The following SNX29 variants were observed in gnomAD, a reference collection of about 807,000 sequenced individuals.
SNX29 encodes the protein sorting nexin-29.
A neutral mutation model predicts 102.1 loss-of-function variants in SNX29; 78 were observed. The ratio of observed to expected loss-of-function variants is 0.76; its 90% confidence interval spans 0.64 to 0.92. SNX29 has a LOEUF of 0.92. Among genes scored for constraint, SNX29 ranks in the 40% least tolerant of loss-of-function variants. The pLI is 0.00. For synonymous variants in SNX29, 580 were observed against 414.5 expected (o/e 1.40, Z -4.85); for missense variants, 1,280 against 1,061.7 (o/e 1.21, Z -2.86).
At chr16:12,220,514 G>T (rs149804083) in intron 14 of SNX29, among the ~76,000 whole-genome samples, 1 of 152,102 alleles carries the variant, frequency 6.6e-6, no homozygotes, top group Non-Finnish European at 1.5e-5. Context: ...AGGCTAGGGG[G>T]ACCTGGTGAA....
intron 4 of SNX29, among the ~76,000 whole-genome samples, chr16:12,036,877 GA>G (rs1313779251): frequency 2.0e-5 from 3 of 151,536 alleles, no homozygotes; most frequent in East Asian, 1.9e-4. Flanking sequence ...ATTGATTTAA[GA>G]AAAAAAAGAT....
At chr16:12,512,243 C>T (rs183308) in intron 19 of SNX29, among the ~76,000 whole-genome samples, 25,773 of 149,438 alleles carry the variant, frequency 0.17, 2,471 homozygotes, top group South Asian at 0.44. Flanking sequence ...GGAGTGGAGC[C>T]GTGCCAGGTG....
At chr16:12,347,007 A>T (rs2081832848) in intron 15 of SNX29, among the ~76,000 whole-genome samples, 1 of 152,126 alleles carries the variant, frequency 6.6e-6, no homozygotes, top group Non-Finnish European at 1.5e-5. Flanking sequence ...GCGTCCCCTT[A>T]CTAACTGAGC....
intron 15 of SNX29, among the ~76,000 whole-genome samples, chr16:12,321,633 G>A (rs915268133): frequency 3.3e-5 from 5 of 152,172 alleles, no homozygotes; most frequent in Non-Finnish European, 5.9e-5. Flanking sequence ...CAAAGAGGGC[G>A]CTGAGAGCTG....
chr16:12,089,135 GAGAGAGAGAAAAGAGAAA>G (rs2052374725), intron 11 of SNX29, among the ~76,000 whole-genome samples: 1 of 150,258 alleles, frequency 6.7e-6, no homozygotes, highest in African/African-American at 2.5e-5. Flanking sequence ...AAAAGAGAGA[GAGAGAGAGAAAAGAGAAA>G]GAGAAAGAAA....
intron 20 of SNX29, among the ~76,000 whole-genome samples, chr16:12,553,855 G>A (rs954316152): frequency 6.6e-6 from 1 of 151,882 alleles, no homozygotes; most frequent in African/African-American, 2.4e-5. Context: ...CGAAAGTGCT[G>A]GGATTTCAGA....
At chr16:12,242,653 C>G (rs550412514) in intron 14 of SNX29, among the ~76,000 whole-genome samples, 14 of 149,420 alleles carry the variant, frequency 9.4e-5, no homozygotes, top group African/African-American at 2.2e-4. Flanking sequence ...TTCTTGTCTT[C>G]TCTTCTCTTT....
intron 18 of SNX29, among the ~76,000 whole-genome samples, chr16:12,462,396 C>T (rs1401508361): frequency 6.6e-6 from 1 of 152,124 alleles, no homozygotes; most frequent in Non-Finnish European, 1.5e-5. Flanking sequence ...GTTGTCTTCA[C>T]AGTGCCAACC....
chr16:12,270,250 A>G (rs1440249870), intron 14 of SNX29, among the ~76,000 whole-genome samples: 3 of 152,202 alleles, frequency 2.0e-5, no homozygotes, highest in Admixed American at 6.5e-5. Flanking sequence ...AAATGTTTGT[A>G]TTTATTGTTT....
At chr16:12,056,743 G>A (rs752587551) in intron 8 of SNX29, among the ~76,000 whole-genome samples, 5 of 152,268 alleles carry the variant, frequency 3.3e-5, no homozygotes, top group East Asian at 1.9e-4. Flanking sequence ...TTAGCTTTGC[G>A]TTTTGTATTT....
At chr16:12,112,185 G>C (rs1017666790) in intron 11 of SNX29, among the ~76,000 whole-genome samples, 1 of 152,192 alleles carries the variant, frequency 6.6e-6, no homozygotes, top group Non-Finnish European at 1.5e-5. Context: ...GGGTCGGGGT[G>C]GAGGAAGGGG....
At chr16:12,566,099 C>G (rs1303341789) in intron 20 of SNX29, among the ~76,000 whole-genome samples, 2 of 152,250 alleles carry the variant, frequency 1.3e-5, no homozygotes, top group African/African-American at 2.4e-5. Context: ...ATGCTTAAAA[C>G]CACCCCACCT....
chr16:12,270,793 G>A (rs891719354), intron 14 of SNX29, among the ~76,000 whole-genome samples: 2 of 152,198 alleles, frequency 1.3e-5, no homozygotes, highest in Non-Finnish European at 1.5e-5. Context: ...AGTAATCCCA[G>A]CACTTTGGGA....
chr16:12,048,605 A>T lies in SNX29; in HGVS notation c.733A>T (p.Arg245Trp). 7 of 1,613,940 alleles carry T rather than the reference A, an allele frequency of 4.3e-6. No individual in the cohort carries two copies. Among genetic ancestry groups the T allele is most frequent in the Non-Finnish European group, 5.9e-6 (7 of 1,179,872 alleles). Reference protein sequence around the residue: ...QETDPLPVVSRNVSADAKCKK... With the variant: ...QETDPLPVVSWNVSADAKCKK... ...GACCGACCCCTTGCCTGTCGTGTCCAGGAATGTCAGTGCTGGTGAGTGGGA... is the reference window on the plus strand; with the variant it reads ...GACCGACCCCTTGCCTGTCGTGTCCTGGAATGTCAGTGCTGGTGAGTGGGA... The change falls in exon 7 of 21, where the codon AGG becomes TGG. Residue 245 changes from arginine (R) to tryptophan (W), a missense_variant. Arg to Trp is a moderately radical substitution (Grantham distance 101). Transcript: ENST00000566228.
chr16:12,432,515 C>T (rs1172824243), intron 18 of SNX29, among the ~76,000 whole-genome samples: 2 of 152,120 alleles, frequency 1.3e-5, no homozygotes, highest in Non-Finnish European at 2.9e-5. Flanking sequence ...GAGGATCAGG[C>T]AGAGAAGGCT....
chr16:12,338,412 T>TC lies in SNX29; in HGVS notation c.1783-17745dup, dbSNP rs988268977. Among the ~76,000 whole-genome samples, 4 of 152,152 alleles carry TC rather than the reference T, an allele frequency of 2.6e-5. No homozygotes were observed. The East Asian group carries it at 5.8e-4, about 22-fold the overall frequency. On this transcript the variant is annotated intron_variant, in intron 15 of 20. Transcript: ENST00000566228. ...GAGGGACTGCCTTCCTTGGCTGCCTTCCCCCCGGGAGGTATTCCCGGGAAC... is the reference window on the plus strand; with the variant it reads ...GAGGGACTGCCTTCCTTGGCTGCCTTCCCCCCCGGGAGGTATTCCCGGGAAC...
intron 4 of SNX29, among the ~76,000 whole-genome samples, chr16:12,036,928 A>G (rs1238325276): frequency 1.2e-4 from 18 of 152,208 alleles, no homozygotes; most frequent in Non-Finnish European, 1.9e-4. Context: ...TTAAGAAATC[A>G]TCTTGGAGTT....
intron 15 of SNX29, among the ~76,000 whole-genome samples, chr16:12,301,740 G>A (rs1418978943): frequency 6.6e-6 from 1 of 152,186 alleles, no homozygotes; most frequent in African/African-American, 2.4e-5. Context: ...GCATGAGATA[G>A]GCACTAAAAG....
chr16:12,025,385 C>T (rs1255500576), intron 3 of SNX29, among the ~76,000 whole-genome samples: 2 of 151,158 alleles, frequency 1.3e-5, no homozygotes, highest in Non-Finnish European at 1.5e-5. Context: ...TGATATCTGC[C>T]CAGCAAAGAG....
Sources: gnomAD v4.1 joint callset for allele counts (sites outside exome capture counted in the v4.1 genomes callset) on GRCh38, gnomAD v4.1.1 for gene constraint, MANE v1.5 for transcripts, NCBI Gene and HGNC (gene_info 2026-07-23, HGNC 2026-07-21) for gene names.